Variants in GUCY1B1 observed in about 807,000 individuals in gnomAD.
The protein encoded by GUCY1B1 is guanylate cyclase 1 soluble subunit beta 1.
A neutral mutation model predicts 71.0 loss-of-function variants in GUCY1B1; 43 were observed. The observed-to-expected ratio is 0.61, with a 90% CI of 0.47 to 0.78. GUCY1B1 has a LOEUF of 0.78. Among genes scored for constraint, GUCY1B1 ranks in the 30% least tolerant of loss-of-function variants. GUCY1B1 has a pLI of 0.00. For synonymous variants in GUCY1B1, 266 were observed against 259.7 expected, an observed-to-expected ratio of 1.02 and a Z score of -0.23; for missense variants, 535 against 754.1, an observed-to-expected ratio of 0.71 and a Z score of 3.40.
intron 2 of GUCY1B1, among the ~76,000 whole-genome samples, chr4:155,762,498 A>G (rs1189081122): frequency 1.3e-5 from 2 of 152,232 alleles, no homozygotes; most frequent in Non-Finnish European, 2.9e-5. Flanking sequence ...CAAACATTTA[A>G]TGACAAATAA....
Position 155,759,817 on chromosome 4 carries a change from C to G in GUCY1B1, c.34C>G (p.Leu12Val), listed in dbSNP as rs777428951. The change falls in exon 2 of 14, where the codon CTG becomes GTG. Residue 12 changes from leucine (L) to valine (V), a missense_variant. Transcript: ENST00000264424. ...ATTTGTGAATCACGCCCTGGAGTTG[C>G]TGGTGATCCGCAATTACGGCCCCGA... ...YGFVNHALELLVIRNYGPEVW... is the reference protein window; with the variant it reads ...YGFVNHALELVVIRNYGPEVW... 9 of 1,613,070 alleles carry G rather than the reference C, an allele frequency of 5.6e-6. No individual in the cohort carries two copies. Among genetic ancestry groups the G allele is most frequent in the Non-Finnish European group, 6.8e-6 (8 of 1,179,374 alleles).
At chr4:155,800,858 C>A (rs533089528) in intron 9 of GUCY1B1, among the ~76,000 whole-genome samples, 5 of 152,188 alleles carry the variant, frequency 3.3e-5, no homozygotes, top group East Asian at 1.9e-4. Flanking sequence ...GCTTCTAAGA[C>A]CTTAGGACTA....
intron 4 of GUCY1B1, among the ~76,000 whole-genome samples, chr4:155,788,705 A>C (rs1738961305): frequency 6.6e-6 from 1 of 152,240 alleles, no homozygotes; most frequent in South Asian, 2.1e-4. Flanking sequence ...TTTTGCCAGA[A>C]GAAATAAAGT....
chr4:155,774,698 G>T (rs960433268), intron 2 of GUCY1B1, among the ~76,000 whole-genome samples: 8 of 151,976 alleles, frequency 5.3e-5, no homozygotes, highest in Non-Finnish European at 1.0e-4. Flanking sequence ...TTTAATGGCA[G>T]GTATTGTATT....
intron 2 of GUCY1B1, chr4:155,772,806 T>A: frequency 1.4e-6 from 1 of 701,528 alleles, no homozygotes; most frequent in East Asian, 2.7e-5. Flanking sequence ...GAAATGCAGA[T>A]CTCTGTGCTT....
At chr4:155,777,368 T>C (rs1222729483) in intron 3 of GUCY1B1, among the ~76,000 whole-genome samples, 156 bp from the exon 4 acceptor site, 1 of 152,230 alleles carries the variant, frequency 6.6e-6, no homozygotes, top group African/African-American at 2.4e-5. Flanking sequence ...TTTCATTGTA[T>C]TGTCCTGGCG....
In GUCY1B1 at chr4:155,796,513, A is replaced by T. The variant is rs1739568677; in HGVS notation, c.977+3A>T. The T allele has an allele frequency of 6.2e-7, 1 of 1,601,606 alleles. No individual in the cohort carries two copies. The highest frequency in any genetic ancestry group is 1.3e-5 in the African/African-American group (1 of 74,648). ...ATACTTTTTCTATGTTCACCAAGGT[A>T]ATCATTTTTAGATTAATTATAGTGG... On this transcript the variant is annotated splice_donor_region_variant and intron_variant, in intron 8 of 13. Transcript: ENST00000264424.
At position 155,767,080 on chromosome 4, in the gene GUCY1B1, A is replaced by C. The variant is rs149697706; in HGVS notation, c.77+7220A>C. On this transcript the variant is annotated intron_variant, in intron 2 of 13. Transcript: ENST00000264424. ...CTCAAACACTCAGCTATTAATTATT[A>C]GAGCTGGGATTTGAACACAGATAAA... Among the ~76,000 whole-genome samples the C allele has an allele frequency of 1.2e-3, 182 of 152,286 alleles. 2 individuals are homozygous for C. The South Asian group carries it at 0.022, about 19-fold the overall frequency.
At chr4:155,779,362 C>T (rs1429127838) in intron 4 of GUCY1B1, among the ~76,000 whole-genome samples, 2 of 152,168 alleles carry the variant, frequency 1.3e-5, no homozygotes, top group Non-Finnish European at 2.9e-5. Flanking sequence ...GTAAAATATA[C>T]ACCAGATGTC....
intron 7 of GUCY1B1, among the ~76,000 whole-genome samples, chr4:155,796,009 T>A (rs1381564475): frequency 2.6e-5 from 4 of 152,208 alleles, no homozygotes; most frequent in African/African-American, 9.6e-5. Flanking sequence ...TGTTTGCAGC[T>A]GCTCTATGAA....
At chr4:155,795,692 C>T (rs138007685) in intron 7 of GUCY1B1, among the ~76,000 whole-genome samples, 7 of 152,206 alleles carry the variant, frequency 4.6e-5, no homozygotes, top group African/African-American at 1.4e-4. Flanking sequence ...CTTTCTGAGA[C>T]GGCCTTGTTT....
chr4:155,807,225 A>T lies in GUCY1B1; in HGVS notation c.*816A>T, dbSNP rs1210762730. ...AGGCTAAATGTTGGGAGCTCCAACCACATCCAAGAATAAATCTGGAAACAC... is the reference window on the plus strand; with the variant it reads ...AGGCTAAATGTTGGGAGCTCCAACCTCATCCAAGAATAAATCTGGAAACAC... On this transcript the variant is annotated 3_prime_UTR_variant, in exon 14 of 14. Transcript: ENST00000264424. 1 of 152,176 alleles carries T rather than the reference A, an allele frequency of 6.6e-6. No homozygotes were observed. Among genetic ancestry groups the T allele is most frequent in the Non-Finnish European group, 1.5e-5 (1 of 68,016 alleles). 9.4% of individuals were successfully genotyped at this position (152,176 alleles called of 1,614,324 possible).
chr4:155,798,649 T>G (rs1222348047), intron 8 of GUCY1B1, among the ~76,000 whole-genome samples: 1 of 152,220 alleles, frequency 6.6e-6, no homozygotes, highest in East Asian at 1.9e-4. Context: ...TCACCCCTTT[T>G]AAAGAATTTT....
At chr4:155,768,263 A>C (rs1737471849) in intron 2 of GUCY1B1, among the ~76,000 whole-genome samples, 1 of 152,184 alleles carries the variant, frequency 6.6e-6, no homozygotes, top group African/African-American at 2.4e-5. Context: ...TCAGGGTCAG[A>C]ATATGAATTC....
In GUCY1B1 at chr4:155,795,353, A is replaced by G. The variant is rs1243445395; in HGVS notation, c.739A>G (p.Asn247Asp). Reference sequence around the variant, plus strand: ...ATCTATATTTTAGCTCCAGCCTGGGAATTGCAGCCTTCTGTCTGTCTTCTC... The same window carrying G: ...ATCTATATTTTAGCTCCAGCCTGGGGATTGCAGCCTTCTGTCTGTCTTCTC... ...YRVLPQLQPGNCSLLSVFSLV... is the reference protein window; with the variant it reads ...YRVLPQLQPGDCSLLSVFSLV... The change falls in exon 7 of 14, where the codon AAT becomes GAT. Residue 247 changes from asparagine to aspartate, a missense_variant. By Grantham distance (23) the Asn-to-Asp change is conservative. Transcript: ENST00000264424. 6.3e-7 allele frequency: 1 copy of G among 1,597,822 alleles called. No homozygotes were observed. Among genetic ancestry groups the G allele is most frequent in the East Asian group, 2.2e-5 (1 of 44,734 alleles).
rs1165960951 is a variant in GUCY1B1, at chr4:155,772,551, GGACTACA to G, written c.78-2412_78-2406del. On this transcript the variant is annotated intron_variant, in intron 2 of 13. Coordinates refer to ENST00000264424, the MANE Select transcript of GUCY1B1 (RefSeq NM_000857.5). ...CCCACCTCAGCCTCCCAAGTAGCTG[GGACTACA>G]GACTTGCGCCACCACACCTGCCTAA... 1.2e-5 allele frequency: 7 copies of G among 566,990 alleles called. No individual in the cohort carries two copies. In the Admixed American group the frequency reaches 2.1e-4, roughly 17 times the overall value. The allele number at this position is 566,990 out of a possible 1,614,324, so 35.1% of individuals were successfully genotyped here. A position where few individuals can be genotyped will look rare whatever the true frequency, so the allele number is the denominator to read the frequency against.
At chr4:155,804,996 A>G in intron 12 of GUCY1B1, 107 bp from the exon 13 acceptor site, 2 of 978,762 alleles carry the variant, frequency 2.0e-6, no homozygotes, top group Non-Finnish European at 3.1e-6. Flanking sequence ...TTTCAGTACA[A>G]CTTCAGCATT....
At chr4:155,790,493 T>C (rs1218768374) in intron 5 of GUCY1B1, among the ~76,000 whole-genome samples, 2 of 152,218 alleles carry the variant, frequency 1.3e-5, no homozygotes, top group African/African-American at 4.8e-5. Flanking sequence ...TTCAAGGTAC[T>C]GATAGGGCAA....
At chr4:155,806,335 A>G in intron 13 of GUCY1B1, 51 bp from the exon 14 acceptor site, 1 of 1,190,046 alleles carries the variant, frequency 8.4e-7, no homozygotes, top group Non-Finnish European at 1.3e-6. Flanking sequence ...TTGATATTAT[A>G]AACCTCACTA....
Sources: gnomAD v4.1 joint callset for allele counts (sites outside exome capture counted in the v4.1 genomes callset) on GRCh38, gnomAD v4.1.1 for gene constraint, MANE v1.5 for transcripts, NCBI Gene and HGNC (gene_info 2026-07-23, HGNC 2026-07-21) for gene names.